The following KTN1 variants were observed in gnomAD, a reference collection of about 807,000 sequenced individuals.
The protein encoded by KTN1 is kinectin 1.
In KTN1, 130 loss-of-function variants were observed where a neutral mutation model predicts 222.5. The ratio of observed to expected loss-of-function variants is 0.58; its 90% confidence interval spans 0.51 to 0.68. KTN1 has a LOEUF of 0.68. KTN1 is among the 30% of genes least tolerant of loss of function. KTN1 has a pLI of 0.00. For missense variants in KTN1, 1,508 were observed against 1,500.4 expected (o/e 1.01, Z -0.08); for synonymous variants, 512 against 496.3 (o/e 1.03, Z -0.42).
intron 21 of KTN1, among the ~76,000 whole-genome samples, chr14:55,649,242 A>G (rs115971717): frequency 9.8e-5 from 15 of 152,310 alleles, no homozygotes; most frequent in African/African-American, 3.6e-4. Context: ...TCTTTTAAAC[A>G]GTGGGCAAAC....
In KTN1 at chr14:55,637,793, G is replaced by C. The variant is rs987323208; in HGVS notation, c.1731G>C (p.Gln577His). The change falls in exon 12 of 44, where the codon CAG becomes CAC. Residue 577 changes from glutamine to histidine, a missense_variant. Gln to His is a conservative substitution (Grantham distance 24). Coordinates refer to ENST00000395314, the MANE Select transcript of KTN1 (RefSeq NM_001079521.2). Reference protein sequence around the residue: ...LQMQVQDILEQNEALKAQIQQ... With the variant: ...LQMQVQDILEHNEALKAQIQQ... The stretch of plus-strand genomic sequence containing the variant: ...ATTTATGAAAGGATATTTTGGAGCA[G>C]AATGAGGCTTTGAAAGCTCAAATTC... The C allele has an allele frequency of 9.3e-6, 15 of 1,610,464 alleles. No homozygotes were observed. The highest frequency in any genetic ancestry group is 1.2e-5 in the Non-Finnish European group (14 of 1,177,828).
At chr14:55,646,466 TTTCCTTTCCTTTCCTTTCCTTTCC>T (rs1566788264) in intron 18 of KTN1, among the ~76,000 whole-genome samples, 6 of 52,598 alleles carry the variant, frequency 1.1e-4, no homozygotes, top group African/African-American at 3.4e-4. Context: ...TTCCTTTTCC[TTTCCTTTCCTTTCCTTTCCTTTCC>T]TTTCCTTTCC....
At chr14:55,599,763 G>C (rs190073806) in intron 1 of KTN1, among the ~76,000 whole-genome samples, 1 of 152,246 alleles carries the variant, frequency 6.6e-6, no homozygotes, top group East Asian at 1.9e-4. Flanking sequence ...GAAGGGGGCA[G>C]TAGGGGGAAT....
rs1555371423 is a variant in KTN1, at chr14:55,631,341, G to GATTGATATATATATATAT, written c.1221+1246_1221+1247insTGATATATATATATATAT. ...CTAAAACTCACCTATTGATAAGGTT[G>GATTGATATATATATATAT]ATATATATATATATATATATATATA... On this transcript the variant is annotated intron_variant, in intron 7 of 43. Transcript: ENST00000395314. 1.6e-3 allele frequency among the ~76,000 whole-genome samples: 182 copies of GATTGATATATATATATAT among 114,686 alleles called. 3 individuals carry two copies. The highest frequency in any genetic ancestry group is 4.9e-3 in the South Asian group (17 of 3,496). The allele number at this position is 114,686 out of a possible 152,430, so 75.2% of individuals were successfully genotyped here.
At chr14:55,594,563 G>A (rs1383769424) in intron 1 of KTN1, among the ~76,000 whole-genome samples, 1 of 111,106 alleles carries the variant, frequency 9.0e-6, no homozygotes, top group African/African-American at 3.4e-5. Flanking sequence ...AAATATTTTT[G>A]CTTGTTGTCT....
chr14:55,637,827 C>A lies in KTN1; in HGVS notation c.1765C>A (p.His589Asn). The change falls in exon 12 of 44, where the codon CAT (histidine) becomes AAT (asparagine). Residue 589 changes from histidine (H) to asparagine (N), a missense_variant. Physicochemically the swap from His to Asn is moderately conservative, Grantham distance 68. Transcript: ENST00000395314. ...EALKAQIQQFHSQIAAQTSAS... is the reference protein window; with the variant it reads ...EALKAQIQQFNSQIAAQTSAS... ...TTTGAAAGCTCAAATTCAGCAGTTC[C>A]ATTCCCAGATAGCAGCCCAGGTAAT... The A allele has an allele frequency of 1.2e-6, 2 of 1,610,952 alleles. No homozygotes were observed. Among genetic ancestry groups the A allele is most frequent in the Middle Eastern group, 1.7e-4 (1 of 6,054 alleles).
intron 4 of KTN1, 96 bp from the exon 5 acceptor site, chr14:55,619,086 T>C: frequency 3.3e-6 from 3 of 922,476 alleles, no homozygotes; most frequent in Non-Finnish European, 5.0e-6. Flanking sequence ...TTATTGACTT[T>C]CTGGGCCGTG....
chr14:55,670,879 T>G, intron 35 of KTN1, 70 bp downstream of exon 35: 2 of 1,032,596 alleles, frequency 1.9e-6, no homozygotes, highest in Non-Finnish European at 2.9e-6. Flanking sequence ...TTTGTCTTCA[T>G]AAGCTTGGAA....
chr14:55,648,932 T>A, intron 21 of KTN1, 62 bp downstream of exon 21: 1 of 1,194,650 alleles, frequency 8.4e-7, no homozygotes, highest in Admixed American at 2.0e-5. Context: ...GTTTGTTGTT[T>A]TTAAATTAAA....
intron 2 of KTN1, among the ~76,000 whole-genome samples, chr14:55,615,876 T>TC (rs1193128522): frequency 1.0e-4 from 15 of 147,968 alleles, no homozygotes; most frequent in African/African-American, 3.3e-4. Context: ...CTTCCTTTTC[T>TC]TCTTTCTTTC....
intron 1 of KTN1, among the ~76,000 whole-genome samples, chr14:55,597,099 C>T (rs2035177828): frequency 6.6e-6 from 1 of 151,764 alleles, no homozygotes; most frequent in African/African-American, 2.4e-5. Context: ...TCACAAGGAC[C>T]ACCTATATAA....
At chr14:55,587,072 C>A (rs1308778244) in intron 1 of KTN1, among the ~76,000 whole-genome samples, 1 of 151,570 alleles carries the variant, frequency 6.6e-6, no homozygotes, top group Admixed American at 6.6e-5. Context: ...ATCTGCCTCA[C>A]CTACAAGAAT....
intron 1 of KTN1, among the ~76,000 whole-genome samples, chr14:55,606,496 A>T (rs1402579449): frequency 6.6e-6 from 1 of 152,142 alleles, no homozygotes; most frequent in Non-Finnish European, 1.5e-5. Flanking sequence ...CAGTTGAAGG[A>T]CAGAAATATT....
rs747999576 is a variant in KTN1, at chr14:55,618,029, A to G, written c.727A>G (p.Ser243Gly). 11 of 1,612,614 alleles carry G rather than the reference A, an allele frequency of 6.8e-6. No homozygotes were observed. Among genetic ancestry groups the G allele is most frequent in the Non-Finnish European group, 8.5e-6 (10 of 1,178,898 alleles). Residue 243 changes from serine to glycine, a missense_variant, in exon 4 of 44, where the codon AGT becomes GGT. Coordinates refer to ENST00000395314, the MANE Select transcript of KTN1 (RefSeq NM_001079521.2). ...YIPLMDNADS[S>G]PVVDKREVID... ...TCCTTTGATGGATAATGCTGACTCA[A>G]GTCCTGTGGTAGATAAGAGAGAGGT... is the stretch of plus-strand genomic sequence containing the variant.
chr14:55,623,070 A>C (rs2039368540), intron 5 of KTN1, among the ~76,000 whole-genome samples: 1 of 152,126 alleles, frequency 6.6e-6, no homozygotes, highest in African/African-American at 2.4e-5. Context: ...TCAAGTCTCC[A>C]CTTAAATGTC....
chr14:55,603,537 C>G (rs2036283728), intron 1 of KTN1, among the ~76,000 whole-genome samples: 1 of 152,208 alleles, frequency 6.6e-6, no homozygotes, highest in South Asian at 2.1e-4. Context: ...TCCTAGTTTT[C>G]TTTATAGCTC....
chr14:55,580,652 C>A (rs1317129665), intron 1 of KTN1, among the ~76,000 whole-genome samples: 1 of 151,884 alleles, frequency 6.6e-6, no homozygotes, highest in Non-Finnish European at 1.5e-5. Context: ...CCGAGGGACA[C>A]CCCCCACCCT....
At chr14:55,583,865 TA>T (rs1381855623) in intron 1 of KTN1, among the ~76,000 whole-genome samples, 1 of 152,150 alleles carries the variant, frequency 6.6e-6, no homozygotes, top group Non-Finnish European at 1.5e-5. Context: ...AACATTCAGG[TA>T]AAAAAACGTT....
At chr14:55,630,336 G>A (rs1284916015) in intron 7 of KTN1, among the ~76,000 whole-genome samples, 1 of 152,194 alleles carries the variant, frequency 6.6e-6, no homozygotes, top group East Asian at 1.9e-4. Flanking sequence ...ATGGTGATGG[G>A]AGGTAAGGAA....
Sources: gnomAD v4.1 joint callset for allele counts (sites outside exome capture counted in the v4.1 genomes callset) on GRCh38, gnomAD v4.1.1 for gene constraint, MANE v1.5 for transcripts, NCBI Gene and HGNC (gene_info 2026-07-23, HGNC 2026-07-21) for gene names.